Variants in DIPK2A observed in about 807,000 individuals in gnomAD.
The protein encoded by DIPK2A is Golgi Protein of 49 kDa.
Under a neutral mutation model 39.0 loss-of-function variants are expected in DIPK2A, and 27 were observed. The observed-to-expected ratio is 0.69, with a 90% CI of 0.51 to 0.96. The LOEUF is 0.96. DIPK2A is among the 40% of genes least tolerant of loss of function. The pLI is 0.00. For synonymous variants in DIPK2A, 298 were observed against 240.8 expected (o/e 1.24, Z -2.20); for missense variants, 528 against 571.3 (o/e 0.92, Z 0.77).
At position 143,990,879 on chromosome 3, in the gene DIPK2A, T is replaced by A. The variant is rs2087975583; in HGVS notation, c.*1038T>A. 6.6e-6 allele frequency: 1 copy of A among 152,626 alleles called. No individual in the cohort carries two copies. Among genetic ancestry groups the A allele is most frequent in the Admixed American group, 6.5e-5 (1 of 15,284 alleles). The allele number at this position is 152,626 out of a possible 1,614,324, so 9.5% of individuals were successfully genotyped here. A position where few individuals can be genotyped will look rare whatever the true frequency, so the allele number is the denominator to read the frequency against. ...TCCTGATTATTTTTTCTGTTGAAAG[T>A]TAAACTACTGCTTTCAAGTAATTTA... On this transcript the variant is annotated 3_prime_UTR_variant, in exon 3 of 3. Coordinates refer to ENST00000315691, the MANE Select transcript of DIPK2A (RefSeq NM_173552.5).
At chr3:143,986,598 C>G (rs57053441) in intron 2 of DIPK2A, among the ~76,000 whole-genome samples, 449 of 152,062 alleles carry the variant, frequency 3.0e-3, no homozygotes, top group African/African-American at 0.01. Flanking sequence ...GTGGCGGGCG[C>G]CTGTAGTCCT....
In DIPK2A at chr3:143,990,048, T is replaced by A; in HGVS notation, c.*207T>A. On this transcript the variant is annotated 3_prime_UTR_variant, in exon 3 of 3. Transcript: ENST00000315691. ...GCTTCTGCAAATAAGTATGTTCTTA[T>A]ACTTTGGAGGCTTGAGCTGTCATCA... 1 of 551,806 alleles carries A rather than the reference T, an allele frequency of 1.8e-6. No individual in the cohort carries two copies. The highest frequency in any genetic ancestry group is 3.2e-6 in the Non-Finnish European group (1 of 311,640). The allele number at this position is 551,806 out of a possible 1,614,324, so 34.2% of individuals were successfully genotyped here.
chr3:143,984,719 G>A (rs1002010098), intron 1 of DIPK2A, among the ~76,000 whole-genome samples: 1 of 151,972 alleles, frequency 6.6e-6, no homozygotes, highest in Non-Finnish European at 1.5e-5. Context: ...AATCCTGCCA[G>A]TAGTTTTAAA....
intron 1 of DIPK2A, among the ~76,000 whole-genome samples, chr3:143,980,630 CTTT>C (rs35995293): frequency 6.8e-6 from 1 of 147,248 alleles, no homozygotes. Context: ...CAAGCTTAAA[CTTT>C]TTTTTTTTTT....
chr3:143,978,675 T>G (rs1231801223), intron 1 of DIPK2A, among the ~76,000 whole-genome samples: 14 of 49,200 alleles, frequency 2.8e-4, no homozygotes, highest in Non-Finnish European at 4.4e-4. Flanking sequence ...TATAGATATA[T>G]ATATATCTAT....
At chr3:143,976,714 C>T (rs1052749649) in intron 1 of DIPK2A, among the ~76,000 whole-genome samples, 1 of 151,928 alleles carries the variant, frequency 6.6e-6, no homozygotes, top group Non-Finnish European at 1.5e-5. Flanking sequence ...GGGAATGTTA[C>T]TATTTGTGGA....
rs938946606 is a variant in DIPK2A, at chr3:143,972,579, C to A, written c.247C>A (p.Leu83Met). The A allele has an allele frequency of 9.9e-6, 16 of 1,612,130 alleles. No individual in the cohort carries two copies. The highest frequency in any genetic ancestry group is 1.3e-5 in the African/African-American group (1 of 74,866). The stretch of plus-strand genomic sequence containing the variant: ...CGAGGCGTGGGGCCGCTTGCGCCTG[C>A]TGGACTTCCTCAACGTGAAGAACGT... ...VFEAWGRLRL[L>M]DFLNVKNVYF... The change falls in exon 1 of 3, where the codon CTG (leucine) becomes ATG (methionine). Residue 83 changes from leucine (L) to methionine (M), a missense_variant. Leu to Met is a conservative substitution (Grantham distance 15). Transcript: ENST00000315691.
At chr3:143,973,043 C>CA (rs1451928898) in intron 1 of DIPK2A, 54 bp downstream of exon 1, 20 of 1,523,564 alleles carry the variant, frequency 1.3e-5, no homozygotes, top group Non-Finnish European at 7.9e-6. Flanking sequence ...GCGTGGGAAT[C>CA]AGAGTCGGGA....
intron 1 of DIPK2A, among the ~76,000 whole-genome samples, chr3:143,979,152 T>C (rs984246846): frequency 3.3e-5 from 5 of 152,174 alleles, no homozygotes; most frequent in Admixed American, 3.3e-4. Flanking sequence ...ACTTTTCTTA[T>C]TGCAGACATT....
intron 1 of DIPK2A, chr3:143,978,629 T>TACTGTCAC (rs1196779455): frequency 2.9e-5 from 1 of 34,544 alleles, no homozygotes; most frequent in African/African-American, 2.8e-4. Context: ...TATCTATATA[T>TACTGTCAC]ATATATATAT....
rs1233091232 is a variant in DIPK2A at position 143,990,073 on chromosome 3, A to T, written c.*232A>T. On this transcript the variant is annotated 3_prime_UTR_variant, in exon 3 of 3. Coordinates refer to ENST00000315691, the MANE Select transcript of DIPK2A (RefSeq NM_173552.5). ...TACTTTGGAGGCTTGAGCTGTCATC[A>T]GCTGCTCCCCACTACCCCGGAATGC... The T allele has an allele frequency of 6.0e-6, 3 of 502,372 alleles. No homozygotes were observed. Among genetic ancestry groups the T allele is most frequent in the Non-Finnish European group, 1.1e-5 (3 of 282,492 alleles). The allele number at this position is 502,372 out of a possible 1,614,324, so 31.1% of individuals were successfully genotyped here.
intron 1 of DIPK2A, chr3:143,973,351 C>T (rs1417974867): frequency 6.5e-7 from 1 of 1,544,038 alleles, no homozygotes; most frequent in South Asian, 1.2e-5. Context: ...GCTTGCAGGT[C>T]CGCGGCGCAG....
At chr3:143,981,700 AAAAT>A (rs2087831964) in intron 1 of DIPK2A, among the ~76,000 whole-genome samples, 1 of 152,198 alleles carries the variant, frequency 6.6e-6, no homozygotes, top group African/African-American at 2.4e-5. Context: ...AACAAAACAA[AAAAT>A]AAACCCAAAA....
chr3:143,990,001 A>G lies in DIPK2A; in HGVS notation c.*160A>G. On this transcript the variant is annotated 3_prime_UTR_variant, in exon 3 of 3. Coordinates refer to ENST00000315691, the MANE Select transcript of DIPK2A (RefSeq NM_173552.5). ...ATGTTAACATCCATCAAAATAAGAC[A>G]TTACTTCAAAAATCACATGATGCTT... The G allele has an allele frequency of 1.6e-6, 1 of 610,094 alleles. No individual in the cohort carries two copies. The highest frequency in any genetic ancestry group is 2.2e-5 in the South Asian group (1 of 46,268). 37.8% of individuals were successfully genotyped at this position (610,094 alleles called of 1,614,324 possible). A position where few individuals can be genotyped will look rare whatever the true frequency, so the allele number is the denominator to read the frequency against.
chr3:143,983,994 TG>T (rs2107845734), intron 1 of DIPK2A, among the ~76,000 whole-genome samples: 1 of 152,368 alleles, frequency 6.6e-6, no homozygotes, highest in African/African-American at 2.4e-5. Flanking sequence ...TATCAGCACT[TG>T]CTGCTTCTCC....
At chr3:143,986,896 AAT>A (rs1402065966) in intron 2 of DIPK2A, among the ~76,000 whole-genome samples, 2 of 152,182 alleles carry the variant, frequency 1.3e-5, no homozygotes, top group African/African-American at 4.8e-5. Flanking sequence ...TGATAAAAGT[AAT>A]ATGAGTATCT....
intron 1 of DIPK2A, chr3:143,973,389 T>A: frequency 6.5e-7 from 1 of 1,548,890 alleles, no homozygotes; most frequent in Non-Finnish European, 8.7e-7. Flanking sequence ...GGACCTTTCC[T>A]AGTTCTTCTG....
intron 2 of DIPK2A, among the ~76,000 whole-genome samples, chr3:143,988,478 C>T (rs1175535216): frequency 6.6e-6 from 1 of 152,114 alleles, no homozygotes; most frequent in Non-Finnish European, 1.5e-5. Flanking sequence ...GCTACAATGG[C>T]CTCTTGTTTT....
chr3:143,990,603 A>C lies in DIPK2A; in HGVS notation c.*762A>C, dbSNP rs980986644. 2.0e-5 allele frequency: 3 copies of C among 152,490 alleles called. No individual in the cohort carries two copies. Among genetic ancestry groups the C allele is most frequent in the Non-Finnish European group, 4.4e-5 (3 of 67,976 alleles). The allele number at this position is 152,490 out of a possible 1,614,324, so 9.4% of individuals were successfully genotyped here. On this transcript the variant is annotated 3_prime_UTR_variant, in exon 3 of 3. Coordinates refer to ENST00000315691, the MANE Select transcript of DIPK2A (RefSeq NM_173552.5). ...CATGAAGTTTGGCATATGTTGCAAAATGTCATTTTATCTTTTCTAAAGGCT... is the reference window on the plus strand; with the variant it reads ...CATGAAGTTTGGCATATGTTGCAAACTGTCATTTTATCTTTTCTAAAGGCT...
Sources: gnomAD v4.1 joint callset for allele counts (sites outside exome capture counted in the v4.1 genomes callset) on GRCh38, gnomAD v4.1.1 for gene constraint, MANE v1.5 for transcripts, NCBI Gene and HGNC (gene_info 2026-07-23, HGNC 2026-07-21) for gene names.